ACVR2A: variants seen among roughly 807,000 people sequenced by gnomAD.
ACVR2A encodes activin A receptor type 2A, also known as activin receptor type-2A.
Under a neutral mutation model 61.4 loss-of-function variants are expected in ACVR2A, and 7 were observed. The ratio of observed to expected loss-of-function variants is 0.11; its 90% CI spans 0.06 to 0.21. The LOEUF is 0.21. Ranked by LOEUF, ACVR2A falls within the 10% of genes least tolerant of loss-of-function variation. ACVR2A has a pLI of 1.00. For synonymous variants in ACVR2A, 193 were observed against 208.3 expected (o/e 0.93, Z 0.63); for missense variants, 322 against 621.7 (o/e 0.52, Z 5.13).
chr2:147,916,204 AT>A (rs559330269), intron 5 of ACVR2A, among the ~76,000 whole-genome samples: 24 of 150,860 alleles, frequency 1.6e-4, no homozygotes, highest in Middle Eastern at 3.4e-3. Context: ...ACTGTATTAC[AT>A]TTTTTTTTGG....
intron 4 of ACVR2A, among the ~76,000 whole-genome samples, chr2:147,914,716 A>T (rs1687208055): frequency 6.6e-6 from 1 of 152,006 alleles, no homozygotes; most frequent in Admixed American, 6.6e-5. Flanking sequence ...TATCTCTGAG[A>T]TTAATGAAGA....
intron 9 of ACVR2A, 28 bp downstream of exon 9, chr2:147,923,139 GAT>G: frequency 6.3e-7 from 1 of 1,595,272 alleles, no homozygotes; most frequent in Non-Finnish European, 8.5e-7. Flanking sequence ...TTTTAAAAAA[GAT>G]ATATATGCCT....
intron 8 of ACVR2A, 99 bp downstream of exon 8, chr2:147,920,443 G>A: frequency 1.1e-6 from 1 of 874,590 alleles, no homozygotes. Flanking sequence ...TTGTTGTGGT[G>A]TTTAAATCAG....
chr2:147,915,771 T>G (rs2105214233), intron 5 of ACVR2A, among the ~76,000 whole-genome samples: 1 of 152,070 alleles, frequency 6.6e-6, no homozygotes, highest in Non-Finnish European at 1.5e-5. Context: ...CTTTGAGTGT[T>G]TAATTATTTC....
intron 1 of ACVR2A, among the ~76,000 whole-genome samples, chr2:147,894,940 A>G (rs1473272239): frequency 1.3e-5 from 2 of 152,136 alleles, no homozygotes; most frequent in Non-Finnish European, 2.9e-5. Flanking sequence ...CAGTCTACAC[A>G]TATGTGGATT....
At chr2:147,895,530 G>A (rs973507820) in intron 1 of ACVR2A, among the ~76,000 whole-genome samples, 5 of 152,082 alleles carry the variant, frequency 3.3e-5, no homozygotes, top group Non-Finnish European at 7.4e-5. Context: ...TACTGGAATT[G>A]CTCCTGAGAA....
At chr2:147,922,514 G>T (rs1486136456) in intron 8 of ACVR2A, among the ~76,000 whole-genome samples, 1 of 152,112 alleles carries the variant, frequency 6.6e-6, no homozygotes, top group South Asian at 2.1e-4. Context: ...CAAGACAGAA[G>T]AATTTATGAA....
chr2:147,896,115 TC>T (rs1182187831), intron 1 of ACVR2A, among the ~76,000 whole-genome samples, 185 bp from the exon 2 acceptor site: 1 of 152,198 alleles, frequency 6.6e-6, no homozygotes, highest in Non-Finnish European at 1.5e-5. Flanking sequence ...TATGGTTATT[TC>T]CTATTATAAT....
intron 1 of ACVR2A, among the ~76,000 whole-genome samples, chr2:147,887,284 T>TG (rs1686464538): frequency 6.6e-6 from 1 of 152,066 alleles, no homozygotes; most frequent in African/African-American, 2.4e-5. Flanking sequence ...TGGAACAGTT[T>TG]GGGAAAAAAA....
chr2:147,882,465 C>T (rs1345985063), intron 1 of ACVR2A, among the ~76,000 whole-genome samples: 10 of 152,174 alleles, frequency 6.6e-5, no homozygotes, highest in Admixed American at 2.6e-4. Flanking sequence ...GCAGGAGAAT[C>T]GCTTGAACCT....
At chr2:147,890,744 A>G (rs1399270041) in intron 1 of ACVR2A, among the ~76,000 whole-genome samples, 1 of 152,158 alleles carries the variant, frequency 6.6e-6, no homozygotes, top group Non-Finnish European at 1.5e-5. Context: ...CATCCTTTTT[A>G]GAACTACACC....
chr2:147,907,987 C>T lies in ACVR2A; in HGVS notation c.529-7204C>T, dbSNP rs180694199. On this transcript the variant is annotated intron_variant, in intron 4 of 10. Transcript: ENST00000241416. The stretch of plus-strand genomic sequence containing the variant: ...CTGGGAGGCGGAGCTTGCAGTGAGC[C>T]GAGACCATGCTACTGCACTCTAGCC... 2.6e-3 allele frequency among the ~76,000 whole-genome samples: 374 copies of T among 142,338 alleles called. 1 individual carries two copies. The highest frequency in any genetic ancestry group is 9.6e-3 in the African/African-American group (366 of 38,276). The allele number at this position is 142,338 out of a possible 152,430, so 93.4% of individuals were successfully genotyped here. A position where few individuals can be genotyped will look rare whatever the true frequency, so the allele number is the denominator to read the frequency against.
At chr2:147,915,089 T>G (rs894230333) in intron 4 of ACVR2A, 102 bp from the exon 5 acceptor site, 1 of 1,061,772 alleles carries the variant, frequency 9.4e-7, no homozygotes, top group Non-Finnish European at 1.4e-6. Flanking sequence ...GTTTACTGTT[T>G]CTGTCAGTTG....
intron 1 of ACVR2A, among the ~76,000 whole-genome samples, chr2:147,866,409 G>A (rs993498333): frequency 6.6e-6 from 1 of 152,180 alleles, no homozygotes; most frequent in Non-Finnish European, 1.5e-5. Flanking sequence ...CTGAGGTTCC[G>A]CATTTCCAAG....
At chr2:147,892,168 C>T (rs1686603451) in intron 1 of ACVR2A, among the ~76,000 whole-genome samples, 1 of 151,984 alleles carries the variant, frequency 6.6e-6, no homozygotes, top group Non-Finnish European at 1.5e-5. Flanking sequence ...GAAGGGGTTT[C>T]ACCATGTTGG....
At chr2:147,888,709 C>G (rs1395863158) in intron 1 of ACVR2A, among the ~76,000 whole-genome samples, 1 of 147,170 alleles carries the variant, frequency 6.8e-6, no homozygotes, top group Non-Finnish European at 1.5e-5. Flanking sequence ...AAGATTCCTT[C>G]GGAATTCCTC....
Position 147,896,313 on chromosome 2 carries a change from G to T in ACVR2A, c.68G>T (p.Gly23Val). The T allele has an allele frequency of 6.2e-7, 1 of 1,613,342 alleles. No individual in the cohort carries two copies. Among genetic ancestry groups the T allele is most frequent in the Non-Finnish European group, 8.5e-7 (1 of 1,179,462 alleles). The change falls in exon 2 of 11, where the codon GGT becomes GTT. Residue 23 changes from glycine (G) to valine (V), a missense_variant. Physicochemically the swap from Gly to Val is moderately radical, Grantham distance 109. Transcript: ENST00000241416. ...LISCSSGAIL[G>V]RSETQECLFF... is the part of the protein sequence containing the mutation. Reference sequence around the variant, plus strand: ...TATTATCTTATAGGTGCTATACTTGGTAGATCAGAAACTCAGGAGTGTCTT... The same window carrying T: ...TATTATCTTATAGGTGCTATACTTGTTAGATCAGAAACTCAGGAGTGTCTT...
chr2:147,914,531 G>T (rs1424894395), intron 4 of ACVR2A, among the ~76,000 whole-genome samples: 3 of 151,790 alleles, frequency 2.0e-5, no homozygotes, highest in Non-Finnish European at 4.4e-5. Context: ...TTCTTTGCCA[G>T]TCAGTCAGTT....
Position 147,855,469 on chromosome 2 carries a change from G to A in ACVR2A, c.55+10262G>A, listed in dbSNP as rs1685548413. Among the ~76,000 whole-genome samples the A allele has an allele frequency of 2.0e-5, 3 of 152,168 alleles. No individual in the cohort carries two copies. In the South Asian group the frequency reaches 6.2e-4, roughly 31 times the overall value. On this transcript the variant is annotated intron_variant, in intron 1 of 10. Coordinates refer to ENST00000241416, the MANE Select transcript of ACVR2A (RefSeq NM_001616.5). The stretch of plus-strand genomic sequence containing the variant: ...AGAGCAGATCTGGGTTATGTGTTGA[G>A]ATCACTTTGGCAGCTATCTGAAAAA...
Sources: gnomAD v4.1 joint callset for allele counts (sites outside exome capture counted in the v4.1 genomes callset) on GRCh38, gnomAD v4.1.1 for gene constraint, MANE v1.5 for transcripts, NCBI Gene and HGNC (gene_info 2026-07-23, HGNC 2026-07-21) for gene names.